NINJ2: variants seen among roughly 807,000 people sequenced by gnomAD.
NINJ2 encodes the protein ninjurin 2.
In NINJ2, 12 loss-of-function variants were observed where a neutral mutation model predicts 11.7. The observed-to-expected ratio is 1.02, with a 90% confidence interval of 0.66 to 1.66. The LOEUF is 1.66. Ranked by LOEUF, NINJ2 falls within the 40% of genes most tolerant of loss-of-function variation. NINJ2 has a pLI of 0.00. For missense variants in NINJ2, 187 were observed against 181.8 expected, an observed-to-expected ratio of 1.03 and a Z score of -0.16; for synonymous variants, 93 against 76.8, an observed-to-expected ratio of 1.21 and a Z score of -1.10.
intron 1 of NINJ2, among the ~76,000 whole-genome samples, chr12:620,818 C>T (rs185816914): frequency 5.7e-4 from 87 of 152,002 alleles, no homozygotes; most frequent in Non-Finnish European, 7.4e-5. Flanking sequence ...TTAGTAGAGA[C>T]GGGGTTTTGC....
At chr12:586,818 G>A (rs192599138) in intron 1 of NINJ2, among the ~76,000 whole-genome samples, 1 of 152,312 alleles carries the variant, frequency 6.6e-6, no homozygotes, top group East Asian at 1.9e-4. Context: ...GGATCCAGGT[G>A]TGGGGATCCC....
intron 1 of NINJ2, among the ~76,000 whole-genome samples, chr12:611,263 T>A (rs202220692): frequency 7.9e-6 from 1 of 126,370 alleles, no homozygotes; most frequent in Non-Finnish European, 1.8e-5. Context: ...CTCTCTTTCT[T>A]TCTTTCTTTC....
intron 1 of NINJ2, among the ~76,000 whole-genome samples, chr12:584,516 A>C (rs1193299253): frequency 5.3e-5 from 8 of 151,754 alleles, no homozygotes; most frequent in Admixed American, 5.3e-4. Context: ...ACTAAAAATT[A>C]AAAAATTAGC....
chr12:575,497 C>T (rs1400326834), intron 1 of NINJ2, among the ~76,000 whole-genome samples: 1 of 152,226 alleles, frequency 6.6e-6, no homozygotes, highest in Non-Finnish European at 1.5e-5. Context: ...GCCTCCCCTC[C>T]TTTCTAGACC....
Position 650,559 on chromosome 12 carries a change from C to T in NINJ2, c.33+12769G>A, listed in dbSNP as rs369434315. Among the ~76,000 whole-genome samples, 51 of 152,088 alleles carry T rather than the reference C, an allele frequency of 3.4e-4. 1 individual carries two copies. In the East Asian group the frequency reaches 3.9e-3, roughly 12 times the overall value. Reference sequence around the variant, plus strand: ...CCAAAAATTACAAAAATTAGCCGGGCGTGGTGGCGGGTGCCTGTAGTCCCA... The same window carrying T: ...CCAAAAATTACAAAAATTAGCCGGGTGTGGTGGCGGGTGCCTGTAGTCCCA... On this transcript the variant is annotated intron_variant, in intron 1 of 3. Transcript: ENST00000305108.
chr12:594,745 C>G (rs181937480), intron 1 of NINJ2, among the ~76,000 whole-genome samples: 2 of 152,180 alleles, frequency 1.3e-5, no homozygotes, highest in African/African-American at 4.8e-5. Flanking sequence ...GTCAAGACAT[C>G]GGTTCTTCCT....
At chr12:615,319 T>C (rs1948078936) in intron 1 of NINJ2, among the ~76,000 whole-genome samples, 1 of 152,238 alleles carries the variant, frequency 6.6e-6, no homozygotes, top group Non-Finnish European at 1.5e-5. Context: ...TAAGAAACTC[T>C]GGCTCATGCC....
chr12:650,989 C>T lies in NINJ2; in HGVS notation c.33+12339G>A, dbSNP rs567676381. On this transcript the variant is annotated intron_variant, in intron 1 of 3. Coordinates refer to ENST00000305108, the MANE Select transcript of NINJ2 (RefSeq NM_016533.6). ...GCAGACTCACAAGGGCAATTCTCCTCGGGAGTTAGTGCCAGCTAGGAAAAC... is the reference window on the plus strand; with the variant it reads ...GCAGACTCACAAGGGCAATTCTCCTTGGGAGTTAGTGCCAGCTAGGAAAAC... Among the ~76,000 whole-genome samples the T allele has an allele frequency of 7.9e-4, 120 of 152,212 alleles. 1 individual carries two copies. The highest frequency in any genetic ancestry group is 2.7e-3 in the African/African-American group (112 of 41,532).
Position 640,407 on chromosome 12 carries a change from A to G in NINJ2, c.33+22921T>C, listed in dbSNP as rs1948403954. Reference sequence around the variant, plus strand: ...GTTAAAGTGTAGTTCTTTCAATACAATTCATTCAGACCTCCCTTTCAATGA... The same window carrying G: ...GTTAAAGTGTAGTTCTTTCAATACAGTTCATTCAGACCTCCCTTTCAATGA... On this transcript the variant is annotated intron_variant, in intron 1 of 3. Transcript: ENST00000305108. The surrounding 1 kb of genome is among the most constrained non-coding windows in gnomAD (Gnocchi z 4.0). 6.6e-6 allele frequency among the ~76,000 whole-genome samples: 1 copy of G among 152,206 alleles called. No individual in the cohort carries two copies. Among genetic ancestry groups the G allele is most frequent in the African/African-American group, 2.4e-5 (1 of 41,456 alleles).
chr12:632,969 G>A (rs1021586466), intron 1 of NINJ2, among the ~76,000 whole-genome samples: 4 of 152,162 alleles, frequency 2.6e-5, no homozygotes, highest in Admixed American at 1.3e-4. Flanking sequence ...TTAGTGGGCC[G>A]GGTTGAGCTT....
rs369375008 is a variant in NINJ2 at position 570,520 on chromosome 12, G to A, written c.34-4342C>T. On this transcript the variant is annotated intron_variant, in intron 1 of 3. Transcript: ENST00000305108. ...TGGGGAGCGCAGCAGGGTGGCCCCC[G>A]CTCCCGCTCAGAGGAGCTGGCCCTT... Among the ~76,000 whole-genome samples the A allele has an allele frequency of 6.6e-5, 10 of 152,328 alleles. No individual in the cohort carries two copies. In the East Asian group the frequency reaches 1.7e-3, roughly 26 times the overall value.
Position 616,987 on chromosome 12 carries a change from C to T in NINJ2, c.33+46341G>A, listed in dbSNP as rs147474534. Among the ~76,000 whole-genome samples, 651 of 152,284 alleles carry T rather than the reference C, an allele frequency of 4.3e-3. 33 individuals carry two copies. The East Asian group carries it at 0.11, about 25-fold the overall frequency. ...TTGGGAGGCCAAGGTTGGCGGATCA[C>T]CTGAGGTCAAGAGTTCAAGACCAGC... is the stretch of plus-strand genomic sequence containing the variant. On this transcript the variant is annotated intron_variant, in intron 1 of 3. Coordinates refer to ENST00000305108, the MANE Select transcript of NINJ2 (RefSeq NM_016533.6).
At chr12:630,980 G>A (rs1166887820) in intron 1 of NINJ2, 1 of 152,514 alleles carries the variant, frequency 6.6e-6, no homozygotes, top group African/African-American at 2.4e-5. Context: ...AAATGCCTTA[G>A]AGGAGGTAGG....
chr12:629,466 C>T (rs999529987), intron 1 of NINJ2, among the ~76,000 whole-genome samples: 6 of 152,130 alleles, frequency 3.9e-5, no homozygotes, highest in South Asian at 2.1e-4. Flanking sequence ...GGTCTCTCCA[C>T]GCAATTAACC....
intron 1 of NINJ2, chr12:641,117 A>G (rs1421973837): frequency 1.3e-5 from 2 of 152,238 alleles, no homozygotes. Context: ...ACTATTTTCA[A>G]ATAATGAAAA....
In NINJ2 at chr12:591,734, C is replaced by A. The variant is rs993544121; in HGVS notation, c.34-25556G>T. Among the ~76,000 whole-genome samples the A allele has an allele frequency of 2.0e-5, 3 of 152,192 alleles. No homozygotes were observed. Among genetic ancestry groups the A allele is most frequent in the Non-Finnish European group, 4.4e-5 (3 of 68,034 alleles). The stretch of plus-strand genomic sequence containing the variant: ...CTTGGGCACGTCTTATCTTATCGTG[C>A]AGCTGGGCTGGGGGTGCTGCCAGAC... On this transcript the variant is annotated intron_variant, in intron 1 of 3. Transcript: ENST00000305108. The surrounding 1 kb of genome is among the most constrained non-coding windows in gnomAD (Gnocchi z 5.0).
intron 1 of NINJ2, among the ~76,000 whole-genome samples, chr12:594,301 C>T (rs1400194608): frequency 6.6e-6 from 1 of 152,178 alleles, no homozygotes; most frequent in African/African-American, 2.4e-5. Flanking sequence ...TCCTATAGAT[C>T]ATCAATGAAT....
chr12:608,608 C>T (rs963938027), intron 1 of NINJ2, among the ~76,000 whole-genome samples: 3 of 152,208 alleles, frequency 2.0e-5, no homozygotes, highest in Non-Finnish European at 4.4e-5. Flanking sequence ...GCCGCTGTAC[C>T]CAAGCCGTGA....
Position 580,580 on chromosome 12 carries a change from C to T in NINJ2, c.34-14402G>A, listed in dbSNP as rs965630350. ...CCAGCCTGCATGACAGAGAGAGACC[C>T]TGTCTCAAAAAAAAAAAAATATATA... is the stretch of plus-strand genomic sequence containing the variant. On this transcript the variant is annotated intron_variant, in intron 1 of 3. Transcript: ENST00000305108. This position sits in a 1 kb window ranked among gnomAD's most constrained non-coding sequence, Gnocchi z 4.7. Among the ~76,000 whole-genome samples the T allele has an allele frequency of 1.9e-4, 13 of 69,476 alleles. No individual in the cohort carries two copies. The highest frequency in any genetic ancestry group is 3.6e-4 in the Non-Finnish European group (13 of 36,196). The allele number at this position is 69,476 out of a possible 152,430, so 45.6% of individuals were successfully genotyped here. A position where few individuals can be genotyped will look rare whatever the true frequency, so the allele number is the denominator to read the frequency against.
Sources: gnomAD v4.1 joint callset for allele counts (sites outside exome capture counted in the v4.1 genomes callset) on GRCh38, gnomAD v4.1.1 for gene constraint, Gnocchi (gnomAD v3.1) non-coding constraint, MANE v1.5 for transcripts, NCBI Gene and HGNC (gene_info 2026-07-23, HGNC 2026-07-21) for gene names.